Variants in SEPTIN12 observed in about 807,000 individuals in gnomAD.
SEPTIN12 encodes septin 12, also known as septin-12.
SEPTIN12 carries 42 observed loss-of-function variants against 37.7 expected under a neutral mutation model. The ratio of observed to expected loss-of-function variants is 1.11; its 90% CI spans 0.87 to 1.44. The LOEUF is 1.44. Ranked by LOEUF, SEPTIN12 falls within the 40% of genes most tolerant of loss-of-function variation. The pLI is 0.00. For synonymous variants in SEPTIN12, 254 were observed against 196.7 expected (o/e 1.29, Z -2.44); for missense variants, 613 against 479.2 (o/e 1.28, Z -2.61).
intron 7 of SEPTIN12, among the ~76,000 whole-genome samples, chr16:4,780,236 C>T (rs1229826801): frequency 1.3e-5 from 2 of 151,864 alleles, no homozygotes; most frequent in Admixed American, 6.6e-5. Context: ...CATAGGTGTG[C>T]ACCACCATGC....
chr16:4,783,105 C>T (rs2082390313), intron 7 of SEPTIN12, among the ~76,000 whole-genome samples: 1 of 151,890 alleles, frequency 6.6e-6, no homozygotes, highest in Non-Finnish European at 1.5e-5. Context: ...GACAAGGTTT[C>T]ACCATGTTGG....
chr16:4,787,483 C>G lies in SEPTIN12; in HGVS notation c.163G>C (p.Val55Leu), dbSNP rs746309862. ...GTGGGCCCTACCTCTCACTCACCCA[C>G]CACCATGATGTTGAACTCAAACCCC... ...KMGFEFNIMV[V>L]GQSGLGKSTM... The change falls in exon 2 of 10, where the codon GTG becomes CTG. Residue 55 changes from valine (V) to leucine (L), a missense_variant. Val to Leu is a conservative substitution (Grantham distance 32). Coordinates refer to ENST00000268231, the MANE Select transcript of SEPTIN12 (RefSeq NM_144605.5). 1 of 1,612,676 alleles carries G rather than the reference C, an allele frequency of 6.2e-7. No homozygotes were observed.
intron 2 of SEPTIN12, among the ~76,000 whole-genome samples, chr16:4,786,936 G>A (rs750804611): frequency 2.4e-4 from 37 of 151,978 alleles, no homozygotes; most frequent in Admixed American, 1.1e-3. Context: ...GTACAGTGGC[G>A]CAATCTCGGC....
Position 4,784,023 on chromosome 16 carries a change from G to A in SEPTIN12, c.420C>T (p.Tyr140=), listed in dbSNP as rs1171053168. The A allele has an allele frequency of 6.2e-7, 1 of 1,614,160 alleles. No homozygotes were observed. The highest frequency in any genetic ancestry group is 1.7e-5 in the Admixed American group (1 of 60,018). Residue 140 remains tyrosine, a synonymous_variant, in exon 5 of 10, where the codon TAC becomes TAT. Transcript: ENST00000268231. ...LGYINEQYEQ[Y]LQEEILITRQ... is the part of the protein sequence containing the mutation. ...GGGTGATGAGGATCTCCTCCTGCAG[G>A]TACTGCTCGTATTGCTCGTTGATGT...
At chr16:4,783,433 C>A in intron 7 of SEPTIN12, 29 bp downstream of exon 7, 5 of 1,552,354 alleles carry the variant, frequency 3.2e-6, no homozygotes, top group Non-Finnish European at 4.4e-6. Context: ...GAAATCACCT[C>A]GCCCGCCTCC....
At chr16:4,779,124 C>T (rs967887647) in intron 8 of SEPTIN12, among the ~76,000 whole-genome samples, 4 of 152,108 alleles carry the variant, frequency 2.6e-5, no homozygotes, top group African/African-American at 9.6e-5. Context: ...GGTGACACTG[C>T]GAGACTCCAT....
Position 4,777,739 on chromosome 16 carries a change from G to T in SEPTIN12, c.*58C>A. The T allele has an allele frequency of 8.4e-7, 1 of 1,183,584 alleles. No homozygotes were observed. Among genetic ancestry groups the T allele is most frequent in the Admixed American group, 2.8e-5 (1 of 35,752 alleles). The allele number at this position is 1,183,584 out of a possible 1,614,324, so 73.3% of individuals were successfully genotyped here. ...TTAATAGATGCTCTGGTACATAGGTGTGTGTTGAGAGCCGCTGGGGACTCA... is the reference window on the plus strand; with the variant it reads ...TTAATAGATGCTCTGGTACATAGGTTTGTGTTGAGAGCCGCTGGGGACTCA... On this transcript the variant is annotated 3_prime_UTR_variant, in exon 10 of 10. Coordinates refer to ENST00000268231, the MANE Select transcript of SEPTIN12 (RefSeq NM_144605.5).
chr16:4,784,301 C>T lies in SEPTIN12; in HGVS notation c.375-233G>A. 9.2e-6 allele frequency: 5 copies of T among 544,746 alleles called. No homozygotes were observed. The South Asian group carries it at 1.1e-4, about 12-fold the overall frequency. 33.7% of individuals were successfully genotyped at this position (544,746 alleles called of 1,614,324 possible). On this transcript the variant is annotated intron_variant, in intron 4 of 9. Coordinates refer to ENST00000268231, the MANE Select transcript of SEPTIN12 (RefSeq NM_144605.5). The stretch of plus-strand genomic sequence containing the variant: ...GTCTGTAAAATGGAGACAATAGTAG[C>T]ACCTACGTTGCAAGTAAGGGAGGGG...
At chr16:4,778,491 A>G (rs1326375067) in intron 8 of SEPTIN12, among the ~76,000 whole-genome samples, 1 of 152,210 alleles carries the variant, frequency 6.6e-6, no homozygotes, top group Non-Finnish European at 1.5e-5. Context: ...TGGGTGCTAT[A>G]TCATAGGCAA....
chr16:4,785,676 G>C, intron 4 of SEPTIN12, 131 bp downstream of exon 4: 1 of 674,040 alleles, frequency 1.5e-6, no homozygotes, highest in Non-Finnish European at 2.6e-6. Context: ...ACTTCGGGAG[G>C]CTGAGGCAGG....
chr16:4,780,351 G>T (rs1298728449), intron 7 of SEPTIN12, among the ~76,000 whole-genome samples: 2 of 152,028 alleles, frequency 1.3e-5, no homozygotes, highest in Non-Finnish European at 2.9e-5. Context: ...GCCTTCCAAA[G>T]TGGTGGGATT....
chr16:4,777,870 G>T lies in SEPTIN12; in HGVS notation c.1004C>A (p.Pro335Gln). Residue 335 changes from proline (P) to glutamine (Q), a missense_variant, in exon 10 of 10, where the codon CCA (proline) becomes CAA (glutamine). Coordinates refer to ENST00000268231, the MANE Select transcript of SEPTIN12 (RefSeq NM_144605.5). Reference protein sequence around the residue: ...PGWVNLAPASPGQLTTPRTFK... With the variant: ...PGWVNLAPASQGQLTTPRTFK... Reference sequence around the variant, plus strand: ...GGTCCGGGGGGTGGTCAGCTGTCCTGGGGAGGCCGGGGCCAGGTTCACCCA... The same window carrying T: ...GGTCCGGGGGGTGGTCAGCTGTCCTTGGGAGGCCGGGGCCAGGTTCACCCA... The T allele has an allele frequency of 6.3e-7, 1 of 1,596,446 alleles. No homozygotes were observed. Among genetic ancestry groups the T allele is most frequent in the Non-Finnish European group, 8.5e-7 (1 of 1,172,348 alleles).
chr16:4,778,914 C>A (rs1014139738), intron 8 of SEPTIN12, among the ~76,000 whole-genome samples: 8 of 151,202 alleles, frequency 5.3e-5, no homozygotes, highest in African/African-American at 1.9e-4. Context: ...CCGAGGCGGG[C>A]AGATCACGAG....
intron 7 of SEPTIN12, 163 bp downstream of exon 7, chr16:4,783,299 C>T: frequency 3.1e-6 from 2 of 642,184 alleles, no homozygotes; most frequent in South Asian, 1.8e-5. Flanking sequence ...TTAGTGTGAG[C>T]TGTTATTTCT....
At chr16:4,782,105 C>A (rs13331910) in intron 7 of SEPTIN12, among the ~76,000 whole-genome samples, 10,277 of 151,730 alleles carry the variant, frequency 0.068, 1,173 homozygotes, top group African/African-American at 0.24. Context: ...TGCGTGCCAC[C>A]ACACGCAGCT....
intron 2 of SEPTIN12, 29 bp from the exon 3 acceptor site, chr16:4,786,134 T>A (rs749817665): frequency 1.9e-6 from 3 of 1,557,332 alleles, no homozygotes; most frequent in Non-Finnish European, 1.7e-6. Flanking sequence ...TGACAGCAGT[T>A]AGGGTGGGCG....
Position 4,778,592 on chromosome 16 carries a change from G to C in SEPTIN12, c.824-455C>G, listed in dbSNP as rs564637092. Among the ~76,000 whole-genome samples, 5 of 151,882 alleles carry C rather than the reference G, an allele frequency of 3.3e-5. No homozygotes were observed. The South Asian group carries it at 1.0e-3, about 32-fold the overall frequency. ...GAGTTGGGTGGATCACCTGAGGTCA[G>C]GAGTTTGAGACCAGCCTGGACGACA... On this transcript the variant is annotated intron_variant, in intron 8 of 9. Transcript: ENST00000268231.
chr16:4,779,382 C>A (rs1313274705), intron 8 of SEPTIN12, among the ~76,000 whole-genome samples: 1 of 152,166 alleles, frequency 6.6e-6, no homozygotes, highest in African/African-American at 2.4e-5. Context: ...GTAGGCCCAT[C>A]GTAATTTCCG....
At chr16:4,790,284 C>T (rs977547541), upstream of SEPTIN12, among the ~76,000 whole-genome samples, 1 of 152,172 alleles carries the variant, frequency 6.6e-6, no homozygotes, top group Admixed American at 6.5e-5. Flanking sequence ...TGCAACTTTT[C>T]ATTGCAGTGA....
Sources: gnomAD v4.1 joint callset for allele counts (sites outside exome capture counted in the v4.1 genomes callset) on GRCh38, gnomAD v4.1.1 for gene constraint, MANE v1.5 for transcripts, NCBI Gene and HGNC (gene_info 2026-07-23, HGNC 2026-07-21) for gene names.